ACTG2: variants seen among roughly 807,000 people sequenced by gnomAD.
ACTG2 encodes the protein actin, gamma-enteric smooth muscle.
ACTG2 carries 16 observed loss-of-function variants against 37.6 expected under a neutral mutation model. The observed-to-expected ratio is 0.43, with a 90% CI of 0.29 to 0.65. The LOEUF is 0.65. ACTG2 is among the 30% of genes least tolerant of loss of function. The pLI is 0.18. For missense variants in ACTG2, 238 were observed against 490.9 expected, an observed-to-expected ratio of 0.48 and a Z score of 4.87; for synonymous variants, 181 against 179.9, an observed-to-expected ratio of 1.01 and a Z score of -0.05.
intron 3 of ACTG2, chr2:73,902,877 C>T (rs1319235611): frequency 1.1e-5 from 12 of 1,073,838 alleles, no homozygotes; most frequent in African/African-American, 3.2e-5. Context: ...CTGCCTGATC[C>T]CCGCGATCAT....
At chr2:73,915,499 A>G (rs371735305) in intron 7 of ACTG2, among the ~76,000 whole-genome samples, 3 of 148,532 alleles carry the variant, frequency 2.0e-5, no homozygotes, top group Admixed American at 1.4e-4. Flanking sequence ...CAGCCTGGGC[A>G]ACAGGGTGAG....
At chr2:73,904,740 TG>T (rs1558624167) in intron 3 of ACTG2, among the ~76,000 whole-genome samples, 2 of 92,042 alleles carry the variant, frequency 2.2e-5, no homozygotes, top group South Asian at 4.2e-4. Context: ...TATAAATCAT[TG>T]TGTGTGTGTG....
At chr2:73,912,870 A>G (rs1680167600) in intron 5 of ACTG2, among the ~76,000 whole-genome samples, 1 of 152,174 alleles carries the variant, frequency 6.6e-6, no homozygotes, top group African/African-American at 2.4e-5. Context: ...TGTGGCTGTT[A>G]GATTAAGAAA....
chr2:73,915,457 C>T (rs1233549684), intron 7 of ACTG2, among the ~76,000 whole-genome samples: 2 of 148,024 alleles, frequency 1.4e-5, no homozygotes, highest in Admixed American at 6.9e-5. Flanking sequence ...GAGATCAAGG[C>T]TGCAGTGAGC....
intron 3 of ACTG2, among the ~76,000 whole-genome samples, chr2:73,906,237 G>T (rs542235259): frequency 1.1e-3 from 163 of 151,694 alleles, no homozygotes; most frequent in Non-Finnish European, 1.8e-3. Context: ...GGATCACGAG[G>T]TCAGGAGATT....
chr2:73,910,150 G>A (rs562068843), intron 5 of ACTG2, among the ~76,000 whole-genome samples: 3 of 151,862 alleles, frequency 2.0e-5, no homozygotes, highest in Non-Finnish European at 4.4e-5. Flanking sequence ...GGGAGGCAGA[G>A]GTTGCAGTGA....
intron 3 of ACTG2, among the ~76,000 whole-genome samples, chr2:73,904,767 GTGTGTGTGTGTATATATA>G (rs1232101909): frequency 0.075 from 6,640 of 87,958 alleles, 227 homozygotes; most frequent in Admixed American, 0.094. Context: ...GTGTGTGTGT[GTGTGTGTGTGTATATATA>G]TATATATATA....
intron 5 of ACTG2, among the ~76,000 whole-genome samples, chr2:73,911,140 T>C (rs1680125909): frequency 1.3e-5 from 2 of 152,152 alleles, no homozygotes; most frequent in Non-Finnish European, 2.9e-5. Flanking sequence ...CTAAGGCTGT[T>C]TTACAGTCAA....
chr2:73,898,251 C>T (rs567193917), intron 1 of ACTG2, among the ~76,000 whole-genome samples: 5 of 148,174 alleles, frequency 3.4e-5, no homozygotes, highest in African/African-American at 1.2e-4. Context: ...GGGTGCCAGG[C>T]CTGCCTTTCC....
intron 8 of ACTG2, among the ~76,000 whole-genome samples, chr2:73,918,604 T>C (rs1384725331): frequency 6.6e-6 from 1 of 152,218 alleles, no homozygotes; most frequent in East Asian, 1.9e-4. Flanking sequence ...TGAAGAATCA[T>C]AGTCCTTCTG....
At chr2:73,910,222 A>G (rs201086552) in intron 5 of ACTG2, among the ~76,000 whole-genome samples, 1 of 89,478 alleles carries the variant, frequency 1.1e-5, no homozygotes, top group Non-Finnish European at 2.7e-5. Flanking sequence ...CTCAAAAAAT[A>G]TGTATATATA....
intron 5 of ACTG2, among the ~76,000 whole-genome samples, chr2:73,911,427 G>T (rs1231100776): frequency 2.6e-5 from 4 of 152,046 alleles, no homozygotes; most frequent in African/African-American, 4.8e-5. Context: ...AGCCCAGGAG[G>T]CAGAGGCTGC....
intron 8 of ACTG2, among the ~76,000 whole-genome samples, chr2:73,918,781 T>A (rs1451601261): frequency 2.0e-5 from 3 of 152,234 alleles, no homozygotes; most frequent in Non-Finnish European, 4.4e-5. Context: ...TTGGGTAGAC[T>A]GGTTTATACT....
At chr2:73,896,171 A>C (rs1679743504) in intron 1 of ACTG2, among the ~76,000 whole-genome samples, 1 of 151,780 alleles carries the variant, frequency 6.6e-6, no homozygotes, top group Non-Finnish European at 1.5e-5. Context: ...CTGTTTCAAC[A>C]AAAAAAATTT....
At chr2:73,906,205 A>C (rs1447747820) in intron 3 of ACTG2, among the ~76,000 whole-genome samples, 1 of 151,944 alleles carries the variant, frequency 6.6e-6, no homozygotes, top group East Asian at 1.9e-4. Context: ...TAATCCCAGC[A>C]CTTTGGGAGG....
intron 1 of ACTG2, among the ~76,000 whole-genome samples, chr2:73,900,790 C>T (rs1679856129): frequency 6.6e-6 from 1 of 152,162 alleles, no homozygotes; most frequent in African/African-American, 2.4e-5. Flanking sequence ...TTCCACACTC[C>T]CAGAGGTAAT....
At chr2:73,918,949 T>C (rs1054095118) in intron 8 of ACTG2, among the ~76,000 whole-genome samples, 5 of 152,224 alleles carry the variant, frequency 3.3e-5, no homozygotes, top group African/African-American at 1.2e-4. Context: ...CATTTATTAC[T>C]CGTGCATCTG....
At chr2:73,901,827 C>G in intron 2 of ACTG2, 1 of 213,474 alleles carries the variant, frequency 4.7e-6, no homozygotes, top group Non-Finnish European at 9.1e-6. Context: ...GAAATTTACA[C>G]TTTGTGAAGA....
Position 73,919,391 on chromosome 2 carries a change from C to T in ACTG2, c.988-41C>T, listed in dbSNP as rs767915059. ...ATTTTTGGACCACCTTGCTTATTCCCTTGGGGACTGATCATGATTCACCAC... is the reference window on the plus strand; with the variant it reads ...ATTTTTGGACCACCTTGCTTATTCCTTTGGGGACTGATCATGATTCACCAC... On this transcript the variant is annotated intron_variant, in intron 8 of 8. Coordinates refer to ENST00000345517, the MANE Select transcript of ACTG2 (RefSeq NM_001615.4). 19 of 1,604,832 alleles carry T rather than the reference C, an allele frequency of 1.2e-5. No individual in the cohort carries two copies. In the South Asian group the frequency reaches 2.0e-4, roughly 17 times the overall value.
Sources: allele counts gnomAD v4.1 joint callset (sites outside exome capture counted in the v4.1 genomes callset), GRCh38; gene constraint gnomAD v4.1.1; transcripts MANE v1.5; gene names NCBI Gene and HGNC (gene_info 2026-07-23, HGNC 2026-07-21).